The following OR51E2 variants were observed in gnomAD, a reference collection of about 807,000 sequenced individuals.
OR51E2 encodes the protein olfactory receptor 51E2.
A neutral mutation model predicts 13.7 loss-of-function variants in OR51E2; 14 were observed. The ratio of observed to expected loss-of-function variants is 1.02; its 90% CI spans 0.68 to 1.60. The LOEUF is 1.60. Among genes scored for constraint, OR51E2 ranks in the 40% most tolerant of loss-of-function variants. OR51E2 has a pLI of 0.00. For missense variants in OR51E2, 483 were observed against 413.8 expected (o/e 1.17, Z -1.45); for synonymous variants, 180 against 157.6 (o/e 1.14, Z -1.07).
intron 1 of OR51E2, among the ~76,000 whole-genome samples, chr11:4,696,771 C>T: frequency 6.6e-6 from 1 of 152,250 alleles, no homozygotes; most frequent in East Asian, 1.9e-4. Flanking sequence ...CAATGATGCT[C>T]CTCTTTCATT....
chr11:4,694,575 T>TAC (rs71050422), intron 1 of OR51E2, among the ~76,000 whole-genome samples: 2,723 of 147,908 alleles, frequency 0.018, 56 homozygotes, highest in African/African-American at 0.053. Flanking sequence ...CATATATATA[T>TAC]ACACACACAC....
intron 1 of OR51E2, among the ~76,000 whole-genome samples, chr11:4,689,897 T>G (rs1039885472): frequency 7.3e-5 from 11 of 150,960 alleles, no homozygotes; most frequent in African/African-American, 1.5e-4. Context: ...AGAGTTGTGG[T>G]TTTTTTTAAT....
At chr11:4,691,466 A>C (rs924557261) in intron 1 of OR51E2, 1 of 456,674 alleles carries the variant, frequency 2.2e-6, no homozygotes, top group East Asian at 6.9e-5. Context: ...TGGTGACCAG[A>C]GTGGATATGG....
chr11:4,693,813 T>C (rs550145990), intron 1 of OR51E2, among the ~76,000 whole-genome samples: 7 of 152,328 alleles, frequency 4.6e-5, no homozygotes, highest in Non-Finnish European at 1.0e-4. Context: ...GGACATTAAC[T>C]GAGTATCTGG....
intron 1 of OR51E2, among the ~76,000 whole-genome samples, chr11:4,683,022 C>T (rs192565640): frequency 6.6e-5 from 10 of 152,286 alleles, no homozygotes; most frequent in South Asian, 2.1e-4. Context: ...TCCATACCTT[C>T]GTTGCCTGGA....
chr11:4,687,006 T>C (rs1847523903), intron 1 of OR51E2, among the ~76,000 whole-genome samples: 2 of 152,092 alleles, frequency 1.3e-5, no homozygotes, highest in Non-Finnish European at 2.9e-5. Context: ...AGGTTGACAT[T>C]CCCTTTTCTC....
chr11:4,693,648 A>G (rs1466695022), intron 1 of OR51E2, among the ~76,000 whole-genome samples: 4 of 152,102 alleles, frequency 2.6e-5, no homozygotes, highest in Non-Finnish European at 4.4e-5. Context: ...GTGAACCTGG[A>G]AGGCGGAGCT....
chr11:4,690,971 GAC>G, intron 1 of OR51E2: 1 of 454,188 alleles, frequency 2.2e-6, no homozygotes, highest in Non-Finnish European at 4.4e-6. Context: ...CAATGTGGGA[GAC>G]ACATGTACTG....
intron 1 of OR51E2, 55 bp from the exon 2 acceptor site, chr11:4,682,816 C>T: frequency 2.3e-6 from 3 of 1,296,132 alleles, no homozygotes; most frequent in Admixed American, 4.7e-5. Context: ...AAACTGACAT[C>T]CCACCCCTTT....
At chr11:4,692,246 C>G (rs1186375465) in intron 1 of OR51E2, 4 of 403,182 alleles carry the variant, frequency 9.9e-6, no homozygotes, top group Non-Finnish European at 2.0e-5. Flanking sequence ...TACAAAGTAA[C>G]ACATAGGAAG....
At position 4,681,878 on chromosome 11, in the gene OR51E2, G is replaced by C; in HGVS notation, c.834C>G (p.Ile278Met). ...HPIVRVVMGDIYLLLPPVINP... is the reference protein window; with the variant it reads ...HPIVRVVMGDMYLLLPPVINP... ...TGATGACAGGAGGCAGCAGCAGGTA[G>C]ATGTCACCCATGACAACACGCACAA... Residue 278 changes from isoleucine (I) to methionine (M), a missense_variant, in exon 2 of 2, where the codon ATC (isoleucine) becomes ATG (methionine). Ile to Met is a conservative substitution (Grantham distance 10, BLOSUM62 1). Coordinates refer to ENST00000396950, the MANE Select transcript of OR51E2 (RefSeq NM_030774.4). The C allele has an allele frequency of 1.2e-6, 2 of 1,614,180 alleles. No homozygotes were observed. The highest frequency in any genetic ancestry group is 1.7e-6 in the Non-Finnish European group (2 of 1,180,030).
Position 4,681,765 on chromosome 11 carries a change from G to A in OR51E2, c.947C>T (p.Ala316Val). Residue 316 changes from alanine to valine, a missense_variant, in exon 2 of 2, where the codon GCT (alanine) becomes GTT (valine). Coordinates refer to ENST00000396950, the MANE Select transcript of OR51E2 (RefSeq NM_030774.4). ...FKISCDKDLQAVGGK is the reference protein window; with the variant it reads ...FKISCDKDLQVVGGK ...TGTTAAGGGTCACTTGCCTCCCACA[G>A]CCTGCAAGTCCTTGTCACAGCTGAT... 1 of 1,614,012 alleles carries A rather than the reference G, an allele frequency of 6.2e-7. No homozygotes were observed. Among genetic ancestry groups the A allele is most frequent in the South Asian group, 1.1e-5 (1 of 91,082 alleles).
chr11:4,693,538 G>A lies in OR51E2; in HGVS notation c.-51+4115C>T, dbSNP rs548110680. ...AGATCGAGACCATCCTGGCTAACAT[G>A]GTGAAACCTCGTCTCTACTAAAAAT... is the stretch of plus-strand genomic sequence containing the variant. On this transcript the variant is annotated intron_variant, in intron 1 of 1. Transcript: ENST00000396950. Among the ~76,000 whole-genome samples the A allele has an allele frequency of 6.6e-5, 10 of 152,204 alleles. No individual in the cohort carries two copies. The South Asian group carries it at 8.3e-4, about 13-fold the overall frequency.
chr11:4,696,536 AT>A (rs1199201213), intron 1 of OR51E2, among the ~76,000 whole-genome samples: 1 of 152,130 alleles, frequency 6.6e-6, no homozygotes, highest in Non-Finnish European at 1.5e-5. Flanking sequence ...ATTTCATTGC[AT>A]TTTTCTTACA....
intron 1 of OR51E2, among the ~76,000 whole-genome samples, chr11:4,688,782 G>C (rs910505096): frequency 6.6e-6 from 1 of 152,146 alleles, no homozygotes; most frequent in African/African-American, 2.4e-5. Context: ...CAATATCAGA[G>C]AGATCTAGAA....
chr11:4,693,250 A>G (rs1290346764), intron 1 of OR51E2, among the ~76,000 whole-genome samples: 1 of 152,232 alleles, frequency 6.6e-6, no homozygotes, highest in Non-Finnish European at 1.5e-5. Context: ...AACTAGAAAT[A>G]AGATAAAATG....
chr11:4,690,849 A>G (rs1505192), intron 1 of OR51E2: 70,032 of 455,850 alleles, frequency 0.15, 6,168 homozygotes, highest in East Asian at 0.31. Context: ...CAAAGGGGAG[A>G]TCAGCAGGTA....
chr11:4,682,259 T>C lies in OR51E2; in HGVS notation c.453A>G (p.Gly151=), dbSNP rs1251868065. Residue 151 remains glycine (G), a synonymous_variant, in exon 2 of 2, where the codon GGA becomes GGG. Coordinates refer to ENST00000396950, the MANE Select transcript of OR51E2 (RefSeq NM_030774.4). ...AQIGIVAVVR[G]SLFFFPLPLL... ...GAGGCAGTGGGAAAAAAAAGAGGGA[T>C]CCGCGGACCACAGCCACGATGCCAA... 1 of 1,613,828 alleles carries C rather than the reference T, an allele frequency of 6.2e-7. No homozygotes were observed.
In OR51E2 at chr11:4,681,497, T is replaced by A. The variant is rs576902767; in HGVS notation, c.*252A>T. ...ATGCTATTTTTCAACTTGGTTTCAA[T>A]CATGTATCTTTATTGTTTTTCTTAA... On this transcript the variant is annotated 3_prime_UTR_variant, in exon 2 of 2. Transcript: ENST00000396950. The A allele has an allele frequency of 6.3e-6, 3 of 475,328 alleles. No homozygotes were observed. The Admixed American group carries it at 1.1e-4, about 17-fold the overall frequency. The allele number at this position is 475,328 out of a possible 1,614,324, so 29.4% of individuals were successfully genotyped here.
Sources: allele counts gnomAD v4.1 joint callset (sites outside exome capture counted in the v4.1 genomes callset), GRCh38; gene constraint gnomAD v4.1.1; transcripts MANE v1.5; gene names NCBI Gene and HGNC (gene_info 2026-07-23, HGNC 2026-07-21).